EML6: variants seen among roughly 807,000 people sequenced by gnomAD.
EML6 encodes echinoderm microtubule-associated protein-like 6.
Under a neutral mutation model 240.1 loss-of-function variants are expected in EML6, and 154 were observed. The observed-to-expected ratio is 0.64, with a 90% confidence interval of 0.56 to 0.73. The LOEUF is 0.73. Among genes scored for constraint, EML6 ranks in the 30% least tolerant of loss-of-function variants. The pLI is 0.00. For missense variants in EML6, 2,964 were observed against 2,474.6 expected (o/e 1.20, Z -4.20); for synonymous variants, 1,148 against 899.0 (o/e 1.28, Z -4.95).
intron 28 of EML6, among the ~76,000 whole-genome samples, chr2:54,942,321 G>T (rs1435723615): frequency 6.6e-6 from 1 of 152,170 alleles, no homozygotes; most frequent in African/African-American, 2.4e-5. Context: ...GGAGATAAAA[G>T]AACACTTCAA....
At position 54,781,969 on chromosome 2, in the gene EML6, T is replaced by A. The variant is rs187053808; in HGVS notation, c.198-31263T>A. The stretch of plus-strand genomic sequence containing the variant: ...CAGGTGTGAGCCACCACTCCTGGAC[T>A]ACAAATATATCTTTTAAATTTCAAA... On this transcript the variant is annotated intron_variant, in intron 2 of 41. Transcript: ENST00000356458. Among the ~76,000 whole-genome samples, 71 of 152,288 alleles carry A rather than the reference T, an allele frequency of 4.7e-4. No homozygotes were observed. In the East Asian group the frequency reaches 0.013, roughly 29 times the overall value.
At chr2:54,937,327 G>T (rs1675191702) in intron 28 of EML6, among the ~76,000 whole-genome samples, 1 of 151,634 alleles carries the variant, frequency 6.6e-6, no homozygotes, top group African/African-American at 2.4e-5. Flanking sequence ...GGGCAAGCCG[G>T]TTATCCCAGC....
intron 11 of EML6, among the ~76,000 whole-genome samples, chr2:54,854,556 G>C (rs141127652): frequency 3.3e-5 from 5 of 152,160 alleles, no homozygotes; most frequent in African/African-American, 9.7e-5. Context: ...CTGAAAATCC[G>C]ATCTTAGAAA....
At chr2:54,862,211 C>T (rs57581121) in intron 12 of EML6, among the ~76,000 whole-genome samples, 6,007 of 151,484 alleles carry the variant, frequency 0.04, 406 homozygotes, top group African/African-American at 0.13. Context: ...AGGTGGAGCA[C>T]ATCTGTAATC....
intron 28 of EML6, among the ~76,000 whole-genome samples, chr2:54,943,219 C>T (rs1184537859): frequency 6.6e-6 from 1 of 152,190 alleles, no homozygotes; most frequent in African/African-American, 2.4e-5. Flanking sequence ...TGCTTCCCAT[C>T]CTTCACTCAC....
rs1553387710 is a variant in EML6, at chr2:54,823,850, T to TTCATTCTCTCTCTCTCTCTCTCTCTCTC, written c.525+3390_525+3391insATTCTCTCTCTCTCTCTCTCTCTCTCTC. ...GGCTGAATTAATATTCATTCATTCA[T>TTCATTCTCTCTCTCTCTCTCTCTCTCTC]TCTCTCTCTCTCTCTCTCTCTCTCT... On this transcript the variant is annotated intron_variant, in intron 5 of 41. Transcript: ENST00000356458. Among the ~76,000 whole-genome samples, 12 of 72,276 alleles carry TTCATTCTCTCTCTCTCTCTCTCTCTCTC rather than the reference T, an allele frequency of 1.7e-4. No individual in the cohort carries two copies. The Admixed American group carries it at 1.7e-3, about 10-fold the overall frequency. 47.4% of individuals were successfully genotyped at this position (72,276 alleles called of 152,430 possible).
intron 2 of EML6, among the ~76,000 whole-genome samples, chr2:54,777,266 G>C (rs527242841): frequency 1.6e-4 from 24 of 152,158 alleles, no homozygotes; most frequent in South Asian, 2.1e-4. Context: ...TATTTAGGGT[G>C]GGGGTGGAGG....
At chr2:54,849,530 C>T (rs889642895) in intron 9 of EML6, among the ~76,000 whole-genome samples, 1 of 152,198 alleles carries the variant, frequency 6.6e-6, no homozygotes, top group Non-Finnish European at 1.5e-5. Context: ...GCTCTGTCGC[C>T]CAAGCTGGAG....
intron 28 of EML6, among the ~76,000 whole-genome samples, chr2:54,936,280 G>T (rs1558703769): frequency 6.6e-6 from 1 of 152,280 alleles, no homozygotes; most frequent in East Asian, 1.9e-4. Context: ...CTAAGTGTGG[G>T]TTATGATCTT....
chr2:54,905,270 G>A (rs1673261862), intron 24 of EML6, among the ~76,000 whole-genome samples: 1 of 142,988 alleles, frequency 7.0e-6, no homozygotes, highest in South Asian at 2.3e-4. Context: ...TTATTATCTT[G>A]CTATTCTCTT....
intron 6 of EML6, 133 bp from the exon 7 acceptor site, chr2:54,829,209 G>C: frequency 1.4e-6 from 1 of 714,408 alleles, no homozygotes; most frequent in Admixed American, 3.3e-5. Flanking sequence ...TCTATTGTCA[G>C]CATTTCAATA....
chr2:54,788,970 C>T lies in EML6; in HGVS notation c.198-24262C>T, dbSNP rs542294723. On this transcript the variant is annotated intron_variant, in intron 2 of 41. Coordinates refer to ENST00000356458, the MANE Select transcript of EML6 (RefSeq NM_001039753.4). ...CTATTCCCTTCTCCATCCGCCCCAC[C>T]CCCTTTGCCACTTGCTTACATTTCT... Among the ~76,000 whole-genome samples, 4 of 152,272 alleles carry T rather than the reference C, an allele frequency of 2.6e-5. No individual in the cohort carries two copies. In the East Asian group the frequency reaches 7.7e-4, roughly 29 times the overall value.
chr2:54,960,975 A>G (rs959996428), intron 35 of EML6, among the ~76,000 whole-genome samples: 34 of 152,118 alleles, frequency 2.2e-4, no homozygotes, highest in South Asian at 6.2e-4. Context: ...CCAAACTTCT[A>G]TTGAATACCT....
At chr2:54,839,605 T>C (rs1669333942) in intron 7 of EML6, among the ~76,000 whole-genome samples, 1 of 152,258 alleles carries the variant, frequency 6.6e-6, no homozygotes, top group Admixed American at 6.5e-5. Context: ...TAATCCTTGC[T>C]AAGCTCCGCC....
In EML6 at chr2:54,819,258, C is replaced by T. The variant is rs148834747; in HGVS notation, c.457-1136C>T. 2.2e-4 allele frequency among the ~76,000 whole-genome samples: 34 copies of T among 152,250 alleles called. No homozygotes were observed. The East Asian group carries it at 5.6e-3, about 25-fold the overall frequency. On this transcript the variant is annotated intron_variant, in intron 4 of 41. Transcript: ENST00000356458. ...CTTTCTATCAGTGTGTCATGGAATG[C>T]GTTCCATGGATCTACCTCCATCAGA...
At chr2:54,791,528 T>G in intron 2 of EML6, among the ~76,000 whole-genome samples, 1 of 152,242 alleles carries the variant, frequency 6.6e-6, no homozygotes, top group Middle Eastern at 3.2e-3. Context: ...TTGATCAGTT[T>G]GTCCCCACTT....
intron 29 of EML6, among the ~76,000 whole-genome samples, chr2:54,949,840 C>T (rs78274430): frequency 3.3e-5 from 5 of 152,256 alleles, no homozygotes; most frequent in Non-Finnish European, 5.9e-5. Context: ...CTGGGACTTT[C>T]AAGCCCCTGT....
Position 54,850,209 on chromosome 2 carries a change from AGAAT to A in EML6, c.1437_1440del (p.Arg479SerfsTer7). On this transcript the variant is annotated frameshift_variant, in exon 10 of 42. Transcript: ENST00000356458. LOFTEE classifies it high-confidence loss of function. ...CGGTGCAGGAGAACGATTGTTCTAC[AGAAT>A]GCCATGTAAGTCATGTGGAGGCCTT... The A allele has an allele frequency of 6.4e-7, 1 of 1,551,342 alleles. No homozygotes were observed. The highest frequency in any genetic ancestry group is 8.7e-7 in the Non-Finnish European group (1 of 1,146,664).
intron 26 of EML6, among the ~76,000 whole-genome samples, chr2:54,925,931 C>T (rs1674519737): frequency 2.0e-5 from 3 of 152,254 alleles, no homozygotes; most frequent in South Asian, 4.1e-4. Flanking sequence ...AAGTTTCCTC[C>T]TCAGAATGTG....
Sources: allele counts gnomAD v4.1 joint callset (sites outside exome capture counted in the v4.1 genomes callset), GRCh38; gene constraint gnomAD v4.1.1; transcripts MANE v1.5; gene names NCBI Gene and HGNC (gene_info 2026-07-23, HGNC 2026-07-21).